HDAC9: variants seen among roughly 807,000 people sequenced by gnomAD.
HDAC9 encodes histone deacetylase 9.
HDAC9 carries 41 observed loss-of-function variants against 139.4 expected under a neutral mutation model. The ratio of observed to expected loss-of-function variants is 0.29; its 90% CI spans 0.23 to 0.38. The LOEUF is 0.38. Ranked by LOEUF, HDAC9 falls within the 10% of genes least tolerant of loss-of-function variation. HDAC9 has a pLI of 1.00. For synonymous variants in HDAC9, 517 were observed against 476.2 expected (o/e 1.09, Z -1.12); for missense variants, 1,147 against 1,297.0 (o/e 0.88, Z 1.78).
intron 2 of HDAC9, among the ~76,000 whole-genome samples, chr7:18,523,838 G>A (rs963607245): frequency 6.6e-6 from 1 of 152,084 alleles, no homozygotes; most frequent in African/African-American, 2.4e-5. Flanking sequence ...GATTGTTAAG[G>A]TGAGGAATTA....
At chr7:18,855,460 T>C (rs1797608409) in intron 21 of HDAC9, among the ~76,000 whole-genome samples, 1 of 151,966 alleles carries the variant, frequency 6.6e-6, no homozygotes, top group Non-Finnish European at 1.5e-5. Context: ...TTTCTATCAT[T>C]GCTAGAGTCT....
intron 1 of HDAC9, among the ~76,000 whole-genome samples, chr7:18,318,277 T>C (rs1477030594): frequency 1.3e-5 from 2 of 152,224 alleles, no homozygotes; most frequent in African/African-American, 2.4e-5. Flanking sequence ...TTAAATTTTG[T>C]ATGTTTTAAT....
chr7:18,877,514 T>C (rs1799409782), intron 22 of HDAC9, among the ~76,000 whole-genome samples: 1 of 152,194 alleles, frequency 6.6e-6, no homozygotes, highest in Non-Finnish European at 1.5e-5. Flanking sequence ...AACTCATTCC[T>C]GCTCCAAGTA....
intron 22 of HDAC9, among the ~76,000 whole-genome samples, chr7:18,922,552 G>A (rs779619083): frequency 8.5e-5 from 13 of 152,120 alleles, no homozygotes; most frequent in African/African-American, 2.4e-4. Context: ...TTCAAACTTG[G>A]TCTGGGATGA....
intron 2 of HDAC9, among the ~76,000 whole-genome samples, chr7:18,254,263 A>C (rs1389474933): frequency 6.6e-6 from 1 of 152,216 alleles, no homozygotes; most frequent in Non-Finnish European, 1.5e-5. Flanking sequence ...TCTTGGACTA[A>C]ATGGAATAGT....
At chr7:18,822,112 A>G (rs1299136788) in intron 17 of HDAC9, among the ~76,000 whole-genome samples, 1 of 152,122 alleles carries the variant, frequency 6.6e-6, no homozygotes, top group Non-Finnish European at 1.5e-5. Context: ...GGCAAGATTG[A>G]TCAAATTATT....
intron 2 of HDAC9, among the ~76,000 whole-genome samples, chr7:18,541,727 G>A (rs1813036826): frequency 6.6e-6 from 1 of 152,110 alleles, no homozygotes; most frequent in African/African-American, 2.4e-5. Context: ...GTGTTTAAAT[G>A]TTCAGATTTT....
At chr7:18,122,844 C>A (rs1258543305) in intron 1 of HDAC9, among the ~76,000 whole-genome samples, 1 of 152,144 alleles carries the variant, frequency 6.6e-6, no homozygotes, top group Non-Finnish European at 1.5e-5. Context: ...GCCTTGAACT[C>A]CTGGCCTCAA....
chr7:18,807,148 T>G (rs1425904205), intron 17 of HDAC9, among the ~76,000 whole-genome samples: 3 of 152,182 alleles, frequency 2.0e-5, no homozygotes, highest in Non-Finnish European at 4.4e-5. Flanking sequence ...TGCTTCAGAT[T>G]TTCTGTTTCT....
intron 1 of HDAC9, among the ~76,000 whole-genome samples, chr7:18,433,994 C>T (rs1790931433): frequency 1.3e-5 from 2 of 152,258 alleles, no homozygotes; most frequent in South Asian, 4.1e-4. Context: ...AAGCTGAAAG[C>T]ATCATTACCT....
At chr7:18,811,664 G>T (rs986122715) in intron 17 of HDAC9, among the ~76,000 whole-genome samples, 28 of 151,490 alleles carry the variant, frequency 1.8e-4, no homozygotes, top group African/African-American at 6.8e-4. Flanking sequence ...TCTTCCTACA[G>T]TTTGTATTAC....
At chr7:18,814,523 G>A (rs2129193544) in intron 17 of HDAC9, among the ~76,000 whole-genome samples, 1 of 152,144 alleles carries the variant, frequency 6.6e-6, no homozygotes. Context: ...CACACTTGGA[G>A]AACATTAGTA....
intron 1 of HDAC9, chr7:18,430,445 A>G (rs1790537783): frequency 6.6e-6 from 1 of 152,232 alleles, no homozygotes; most frequent in Admixed American, 6.5e-5. Flanking sequence ...GCTGGTGTCA[A>G]ACTCCTGGCT....
chr7:18,536,202 C>CT (rs1255364780), intron 2 of HDAC9, among the ~76,000 whole-genome samples: 1 of 152,144 alleles, frequency 6.6e-6, no homozygotes, highest in Non-Finnish European at 1.5e-5. Flanking sequence ...TTGGTTAAGT[C>CT]TAAAGTATGT....
intron 2 of HDAC9, among the ~76,000 whole-genome samples, chr7:18,571,785 G>T (rs1045147784): frequency 7.9e-5 from 12 of 152,042 alleles, no homozygotes; most frequent in African/African-American, 2.7e-4. Flanking sequence ...AATCGCAGAA[G>T]AAAAGAAGGA....
chr7:18,673,420 T>C (rs1164931702), intron 12 of HDAC9, among the ~76,000 whole-genome samples: 2 of 152,084 alleles, frequency 1.3e-5, no homozygotes, highest in Non-Finnish European at 2.9e-5. Context: ...TAAATGTGGT[T>C]GGCAAGAATT....
chr7:18,902,802 G>T (rs993132164), intron 22 of HDAC9, among the ~76,000 whole-genome samples: 2 of 152,150 alleles, frequency 1.3e-5, no homozygotes, highest in East Asian at 3.8e-4. Context: ...TTTGGAAAAA[G>T]AAATTTCACA....
intron 1 of HDAC9, among the ~76,000 whole-genome samples, chr7:18,348,247 G>A (rs772985165): frequency 3.9e-5 from 6 of 152,268 alleles, no homozygotes; most frequent in East Asian, 1.9e-4. Flanking sequence ...CAATGTCAGC[G>A]ATTAAGAGGT....
At position 18,706,598 on chromosome 7, in the gene HDAC9, G is replaced by T. The variant is rs761819576; in HGVS notation, c.1732-20982G>T. 3.3e-5 allele frequency among the ~76,000 whole-genome samples: 5 copies of T among 152,320 alleles called. No homozygotes were observed. The East Asian group carries it at 5.8e-4, about 18-fold the overall frequency. On this transcript the variant is annotated intron_variant, in intron 12 of 25. Coordinates refer to ENST00000686413, the MANE Select transcript of HDAC9 (RefSeq NM_178425.4). ...CCCTTGGCAAAGCTCACAGTTGAGC[G>T]CAGTAGTTCTCAACCTGGGAGGACT...
Sources: gnomAD v4.1 joint callset for allele counts (sites outside exome capture counted in the v4.1 genomes callset) on GRCh38, gnomAD v4.1.1 for gene constraint, MANE v1.5 for transcripts, NCBI Gene and HGNC (gene_info 2026-07-23, HGNC 2026-07-21) for gene names.